NICOL1: variants seen among roughly 807,000 people sequenced by gnomAD.
NICOL1 encodes the protein NELL2-interacting cell ontogeny regulator 1.
chr4:2,043,791 G>A, the NICOL1 span: 1 of 1,368,066 alleles, frequency 7.3e-7, no homozygotes, highest in South Asian at 1.3e-5. Flanking sequence ...GCTGCCTTGG[G>A]TGGGTGGAGG....
chr4:2,042,242 G>A, the NICOL1 span: 3 of 1,261,926 alleles, frequency 2.4e-6, no homozygotes, highest in South Asian at 5.7e-5. Context: ...GCTTGGACAA[G>A]GGTCGTGGGG....
the NICOL1 span, among the ~76,000 whole-genome samples, chr4:2,038,237 G>GTGTGTATGTATATATA: frequency 1.1e-5 from 1 of 91,454 alleles, no homozygotes; most frequent in African/African-American, 3.6e-5. Flanking sequence ...TGATCAGTGT[G>GTGTGTATGTATATATA]TATATATATA....
chr4:2,039,802 T>C, the NICOL1 span, among the ~76,000 whole-genome samples: 1 of 152,150 alleles, frequency 6.6e-6, no homozygotes, highest in African/African-American at 2.4e-5. Flanking sequence ...ATCATGCCAC[T>C]GCACTCCAGA....
the NICOL1 span, chr4:2,042,223 A>G: frequency 4.3e-5 from 47 of 1,102,100 alleles, no homozygotes; most frequent in Non-Finnish European, 4.7e-5. Context: ...CAGGGCTCCC[A>G]GGCCTGGGGC....
At chr4:2,041,890 T>G in the NICOL1 span, 29 of 1,243,684 alleles carry the variant, frequency 2.3e-5, no homozygotes, top group Admixed American at 3.9e-5. Context: ...GCACACCCGA[T>G]TCCTGGAGCG....
the NICOL1 span, chr4:2,041,956 C>T: frequency 4.1e-6 from 6 of 1,451,488 alleles, no homozygotes; most frequent in African/African-American, 6.0e-5. Flanking sequence ...ATGACGACGA[C>T]GTCGGATGGG....
At chr4:2,041,642 G>A in the NICOL1 span, 2 of 250,492 alleles carry the variant, frequency 8.0e-6, no homozygotes, top group Non-Finnish European at 1.5e-5. Context: ...CCCGCGGTCG[G>A]AGGCCAAGCG....
the NICOL1 span, among the ~76,000 whole-genome samples, chr4:2,038,372 C>G: frequency 5.3e-5 from 8 of 150,362 alleles, no homozygotes; most frequent in Non-Finnish European, 1.2e-4. Flanking sequence ...ACTGCAGCCT[C>G]GAACTCCTAG....
chr4:2,042,256 G>A, the NICOL1 span: 1 of 1,147,040 alleles, frequency 8.7e-7, no homozygotes, highest in Non-Finnish European at 1.1e-6. Context: ...CGTGGGGCCC[G>A]CGGGAGGGGA....
chr4:2,038,696 T>C, the NICOL1 span, among the ~76,000 whole-genome samples: 1 of 152,212 alleles, frequency 6.6e-6, no homozygotes, highest in Non-Finnish European at 1.5e-5. Flanking sequence ...TCTATATCCT[T>C]ACCAACTCAT....
At chr4:2,042,274 T>A in the NICOL1 span, 6 of 741,822 alleles carry the variant, frequency 8.1e-6, no homozygotes, top group Non-Finnish European at 1.1e-5. Flanking sequence ...GGACGGGGGC[T>A]CACCGGCCCG....
At chr4:2,041,042 G>T in the NICOL1 span, among the ~76,000 whole-genome samples, 1 of 152,026 alleles carries the variant, frequency 6.6e-6, no homozygotes, top group East Asian at 1.9e-4. Context: ...CACGGCGAGC[G>T]GGGCGGCCTC....
the NICOL1 span, chr4:2,042,272 G>A: frequency 1.0e-6 from 1 of 997,718 alleles, no homozygotes; most frequent in Non-Finnish European, 1.3e-6. Context: ...GGGGACGGGG[G>A]CTCACCGGCC....
At chr4:2,042,200 G>A in the NICOL1 span, 18 of 1,425,836 alleles carry the variant, frequency 1.3e-5, no homozygotes, top group East Asian at 4.4e-4. Context: ...CCCGGGCCCG[G>A]GGTGGGTGGG....
the NICOL1 span, among the ~76,000 whole-genome samples, chr4:2,040,440 CGCGAGCGGGCGCA>C: frequency 1.3e-5 from 2 of 152,184 alleles, no homozygotes; most frequent in Non-Finnish European, 2.9e-5. Context: ...AGGAGCAGGT[CGCGAGCGGGCGCA>C]GCGTGGGACC....
At chr4:2,043,899 G>T in the NICOL1 span, 1 of 1,549,514 alleles carries the variant, frequency 6.5e-7, no homozygotes, top group Non-Finnish European at 8.7e-7. Context: ...GCCGTGCCCT[G>T]TGTGCCTGCT....
chr4:2,040,018 C>T, the NICOL1 span, among the ~76,000 whole-genome samples: 1 of 151,542 alleles, frequency 6.6e-6, no homozygotes, highest in African/African-American at 2.4e-5. Flanking sequence ...AAACAACATC[C>T]AAAGGAACCA....
At chr4:2,043,506 T>C in the NICOL1 span, among the ~76,000 whole-genome samples, 2 of 152,112 alleles carry the variant, frequency 1.3e-5, no homozygotes, top group African/African-American at 2.4e-5. Flanking sequence ...CTCTCCCCAC[T>C]CACAGAGCCT....
At chr4:2,043,275 C>T in the NICOL1 span, among the ~76,000 whole-genome samples, 1 of 152,128 alleles carries the variant, frequency 6.6e-6, no homozygotes, top group Non-Finnish European at 1.5e-5. Context: ...GGTGGATGCA[C>T]AGGTTGGTTA....
Sources: gnomAD v4.1 joint callset for allele counts (sites outside exome capture counted in the v4.1 genomes callset) on GRCh38, gnomAD v4.1.1 for gene constraint, MANE v1.5 for transcripts, NCBI Gene and HGNC (gene_info 2026-07-23, HGNC 2026-07-21) for gene names.